The following TTYH2 variants were observed in gnomAD, a reference collection of about 807,000 sequenced individuals.
TTYH2 encodes the protein protein tweety homolog 2.
In TTYH2, 49 loss-of-function variants were observed where a neutral mutation model predicts 68.3. That is an observed-to-expected ratio of 0.72 (90% CI 0.57 to 0.91). TTYH2 has a LOEUF of 0.91. Among genes scored for constraint, TTYH2 ranks in the 40% least tolerant of loss-of-function variants. The pLI is 0.00. For synonymous variants in TTYH2, 272 were observed against 300.8 expected, an observed-to-expected ratio of 0.90 and a Z score of 0.99; for missense variants, 631 against 700.4, an observed-to-expected ratio of 0.90 and a Z score of 1.12.
In TTYH2 at chr17:74,260,259, G is replaced by A. The variant is rs760648701; in HGVS notation, c.*50G>A. ...CTTTTTCCGTTCTGGTTTTTAATTA[G>A]TGCAAATACAAGCTGCGTTTCTTTA... On this transcript the variant is annotated 3_prime_UTR_variant, in exon 14 of 14. Transcript: ENST00000269346. 1.9e-6 allele frequency: 3 copies of A among 1,571,972 alleles called. No homozygotes were observed. In the African/African-American group the frequency reaches 4.1e-5, roughly 21 times the overall value.
intron 13 of TTYH2, among the ~76,000 whole-genome samples, chr17:74,258,858 G>T (rs2050718815): frequency 6.6e-6 from 1 of 152,048 alleles, no homozygotes; most frequent in Admixed American, 6.5e-5. Flanking sequence ...GACCCACTGG[G>T]TCGAAAACCT....
At chr17:74,237,621 A>AT (rs66675439) in intron 4 of TTYH2, 107 bp downstream of exon 4, 3,566 of 888,636 alleles carry the variant, frequency 4.0e-3, no homozygotes, top group East Asian at 5.0e-3. Context: ...ACTGGAAAGT[A>AT]TTTTTTTTTT....
chr17:74,248,033 C>T (rs1200083386), intron 6 of TTYH2: 1 of 152,576 alleles, frequency 6.6e-6, no homozygotes, highest in Non-Finnish European at 1.5e-5. Flanking sequence ...CCATAAATGT[C>T]TATCAACTTA....
chr17:74,236,818 T>G (rs1309321794), intron 3 of TTYH2, among the ~76,000 whole-genome samples: 1 of 151,524 alleles, frequency 6.6e-6, no homozygotes, highest in Non-Finnish European at 1.5e-5. Flanking sequence ...CAGTCCTTCC[T>G]CCAGGGGCAC....
In TTYH2 at chr17:74,222,774, G is replaced by GATGAATGTTGTCCCTTT; in HGVS notation, c.302+118_302+134dup. The GATGAATGTTGTCCCTTT allele has an allele frequency of 1.6e-6, 2 of 1,219,266 alleles. No homozygotes were observed. The highest frequency in any genetic ancestry group is 2.2e-6 in the Non-Finnish European group (2 of 911,158). 75.5% of individuals were successfully genotyped at this position (1,219,266 alleles called of 1,614,324 possible). A position where few individuals can be genotyped will look rare whatever the true frequency, so the allele number is the denominator to read the frequency against. ...ACCTTGATGGAAAAGCTTGTCCCCA[G>GATGAATGTTGTCCCTTT]ATGAATGTTGTCCCTTTTTTTTTTT... On this transcript the variant is annotated intron_variant, in intron 2 of 13. Coordinates refer to ENST00000269346, the MANE Select transcript of TTYH2 (RefSeq NM_032646.6). This position sits in a 1 kb window ranked among gnomAD's most constrained non-coding sequence, Gnocchi z 5.2.
chr17:74,223,476 T>TC (rs1278099158), intron 2 of TTYH2, among the ~76,000 whole-genome samples: 1 of 151,488 alleles, frequency 6.6e-6, no homozygotes, highest in Non-Finnish European at 1.5e-5. Flanking sequence ...CAGACATTGC[T>TC]CCCCCCTCAG....
chr17:74,223,465 T>A lies in TTYH2; in HGVS notation c.302+808T>A, dbSNP rs1230886748. Reference sequence around the variant, plus strand: ...TCAGGCTGGTCTTCAACTTCTGGCCTCAGACATTGCTCCCCCCTCAGCTTC... The same window carrying A: ...TCAGGCTGGTCTTCAACTTCTGGCCACAGACATTGCTCCCCCCTCAGCTTC... On this transcript the variant is annotated intron_variant, in intron 2 of 13. Coordinates refer to ENST00000269346, the MANE Select transcript of TTYH2 (RefSeq NM_032646.6). Among the ~76,000 whole-genome samples the A allele has an allele frequency of 2.6e-5, 4 of 152,052 alleles. No homozygotes were observed. In the East Asian group the frequency reaches 7.7e-4, roughly 29 times the overall value.
rs1028966650 is a variant in TTYH2 at position 74,222,910 on chromosome 17, C to G, written c.302+253C>G. ...CAATGTGGGTTTGTCCTGTGCCCAG[C>G]AGCTGTGCAGGCAGCATTTCTGCAC... On this transcript the variant is annotated intron_variant, in intron 2 of 13. Transcript: ENST00000269346. This position sits in a 1 kb window ranked among gnomAD's most constrained non-coding sequence, Gnocchi z 5.2. 1.3e-4 allele frequency among the ~76,000 whole-genome samples: 20 copies of G among 152,110 alleles called. No individual in the cohort carries two copies. Among genetic ancestry groups the G allele is most frequent in the African/African-American group, 4.8e-4 (20 of 41,410 alleles).
At chr17:74,251,938 G>GGTCTGAACC (rs143370890) in intron 10 of TTYH2, 10,364 of 376,998 alleles carry the variant, frequency 0.027, 208 homozygotes, top group Non-Finnish European at 0.037. Context: ...CTCAGCTTCA[G>GGTCTGAACC]TGCCCCCGTC....
At position 74,232,239 on chromosome 17, in the gene TTYH2, C is replaced by A. The variant is rs1002136296; in HGVS notation, c.414+1240C>A. On this transcript the variant is annotated intron_variant, in intron 3 of 13. Transcript: ENST00000269346. This position sits in a 1 kb window ranked among gnomAD's most constrained non-coding sequence, Gnocchi z 5.1. Reference sequence around the variant, plus strand: ...CCTTAAGCTCCTCTAAGGCTTTAATCCCTCAGTCAACAAGGGGGGTCGGGG... The same window carrying A: ...CCTTAAGCTCCTCTAAGGCTTTAATACCTCAGTCAACAAGGGGGGTCGGGG... Among the ~76,000 whole-genome samples, 3 of 152,182 alleles carry A rather than the reference C, an allele frequency of 2.0e-5. No individual in the cohort carries two copies. Among genetic ancestry groups the A allele is most frequent in the African/African-American group, 7.2e-5 (3 of 41,438 alleles).
rs2050496004 is a variant in TTYH2 at position 74,241,196 on chromosome 17, G to T, written c.636-2178G>T. Among the ~76,000 whole-genome samples, 1 of 152,054 alleles carries T rather than the reference G, an allele frequency of 6.6e-6. No homozygotes were observed. The highest frequency in any genetic ancestry group is 2.4e-5 in the African/African-American group (1 of 41,382). On this transcript the variant is annotated intron_variant, in intron 4 of 13. Transcript: ENST00000269346. This position sits in a 1 kb window ranked among gnomAD's most constrained non-coding sequence, Gnocchi z 4.1. ...AGCACTTTGGGAGGCTGAGGCAGGA[G>T]GATCTCTTGAGTCCAGGAGTTTGAG...
At chr17:74,223,512 C>T (rs1470389836) in intron 2 of TTYH2, among the ~76,000 whole-genome samples, 1 of 152,152 alleles carries the variant, frequency 6.6e-6, no homozygotes, top group Non-Finnish European at 1.5e-5. Flanking sequence ...GGATTACAGG[C>T]ATGAGCCACC....
chr17:74,238,253 G>A (rs1212012256), intron 4 of TTYH2, among the ~76,000 whole-genome samples: 1 of 152,194 alleles, frequency 6.6e-6, no homozygotes, highest in Non-Finnish European at 1.5e-5. Context: ...GGTTATGGGG[G>A]GTTGAGGAGA....
chr17:74,243,290 G>A (rs1311982219), intron 4 of TTYH2, 84 bp from the exon 5 acceptor site: 16 of 1,136,618 alleles, frequency 1.4e-5, no homozygotes, highest in African/African-American at 3.0e-5. Flanking sequence ...GTGTGTCCCA[G>A]GGCTGCCGTG....
rs528280258 is a variant in TTYH2, at chr17:74,261,562, C to A, written c.*1353C>A. On this transcript the variant is annotated 3_prime_UTR_variant, in exon 14 of 14. Coordinates refer to ENST00000269346, the MANE Select transcript of TTYH2 (RefSeq NM_032646.6). ...CCTGTTGAGGGACCAGAGTTGGGGT[C>A]TTTGGTGCTTCCAACCTCCTGCCAA... 1.3e-5 allele frequency: 2 copies of A among 152,596 alleles called. No homozygotes were observed. Among genetic ancestry groups the A allele is most frequent in the Non-Finnish European group, 2.9e-5 (2 of 68,042 alleles). 9.5% of individuals were successfully genotyped at this position (152,596 alleles called of 1,614,324 possible).
At chr17:74,246,565 G>A (rs1241152195) in intron 6 of TTYH2, among the ~76,000 whole-genome samples, 3 of 152,160 alleles carry the variant, frequency 2.0e-5, no homozygotes, top group African/African-American at 7.2e-5. Context: ...TGCAGGCTCA[G>A]CCATCACCTG....
chr17:74,258,423 G>T (rs1296227885), intron 13 of TTYH2, among the ~76,000 whole-genome samples: 1 of 151,810 alleles, frequency 6.6e-6, no homozygotes, highest in Admixed American at 6.6e-5. Context: ...CCACCACCAC[G>T]CCCAGCTGAC....
chr17:74,244,966 C>A (rs895057755), intron 6 of TTYH2, among the ~76,000 whole-genome samples: 4 of 152,154 alleles, frequency 2.6e-5, no homozygotes, highest in Non-Finnish European at 5.9e-5. Context: ...CTCACTGATT[C>A]AAAGTCCACA....
In TTYH2 at chr17:74,260,547, C is replaced by T. The variant is rs1485228127; in HGVS notation, c.*338C>T. 2.9e-6 allele frequency: 1 copy of T among 348,928 alleles called. No individual in the cohort carries two copies. The highest frequency in any genetic ancestry group is 5.5e-6 in the Non-Finnish European group (1 of 181,070). The allele number at this position is 348,928 out of a possible 1,614,324, so 21.6% of individuals were successfully genotyped here. On this transcript the variant is annotated 3_prime_UTR_variant, in exon 14 of 14. Coordinates refer to ENST00000269346, the MANE Select transcript of TTYH2 (RefSeq NM_032646.6). ...AGTGGCAGTGAGGAGGGGGCCAGGT[C>T]AGGCACCACCATCAAGAGAGCTGTG...
Sources: gnomAD v4.1 joint callset for allele counts (sites outside exome capture counted in the v4.1 genomes callset) on GRCh38, gnomAD v4.1.1 for gene constraint, Gnocchi (gnomAD v3.1) non-coding constraint, MANE v1.5 for transcripts, NCBI Gene and HGNC (gene_info 2026-07-23, HGNC 2026-07-21) for gene names.